Variants in CEP170B observed in about 807,000 individuals in gnomAD.
CEP170B encodes the protein centrosomal protein of 170 kDa protein B.
A neutral mutation model predicts 120.6 loss-of-function variants in CEP170B; 55 were observed. The observed-to-expected ratio is 0.46, with a 90% CI of 0.37 to 0.57. CEP170B has a LOEUF of 0.57. CEP170B is among the 20% of genes least tolerant of loss of function. The pLI, the probability that CEP170B is intolerant of heterozygous loss-of-function variation, is 0.00. For synonymous variants in CEP170B, 1,033 were observed against 954.5 expected (o/e 1.08, Z -1.52); for missense variants, 2,212 against 2,253.3 (o/e 0.98, Z 0.37).
In CEP170B at chr14:104,885,526, C is replaced by T. The variant is rs200020098; in HGVS notation, c.1928C>T (p.Pro643Leu). The T allele has an allele frequency of 7.9e-5, 123 of 1,564,412 alleles. No individual in the cohort carries two copies. Among genetic ancestry groups the T allele is most frequent in the Middle Eastern group, 3.4e-4 (2 of 5,954 alleles). The change falls in exon 10 of 19, where the codon CCC becomes CTC. Residue 643 changes from proline to leucine, a missense_variant. Physicochemically the swap from Pro to Leu is moderately conservative, Grantham distance 98. Around this residue, in one of 2 missense-constraint regions of CEP170B, gnomAD observed 2,166 missense variants for 2,166.7 expected, o/e 1.00. Transcript: ENST00000414716. ...GCCTCCCGGCCACTGGGTGCGGCCC[C>T]CCAGGCGGAGCACCAGGTACAGGCA... ...EFASRPLGAA[P>L]QAEHQGLPVP...
chr14:104,877,627 C>T (rs950898364), intron 3 of CEP170B, among the ~76,000 whole-genome samples: 2 of 152,224 alleles, frequency 1.3e-5, no homozygotes, highest in African/African-American at 4.8e-5. Flanking sequence ...GAGTTCTGTT[C>T]TGGAGGGTTC....
chr14:104,879,390 G>T (rs1896023861), intron 5 of CEP170B, among the ~76,000 whole-genome samples: 1 of 152,120 alleles, frequency 6.6e-6, no homozygotes, highest in Non-Finnish European at 1.5e-5. Context: ...CCTTCAAGGT[G>T]GCAGGATTTG....
chr14:104,872,324 G>A (rs1895568974), intron 2 of CEP170B, among the ~76,000 whole-genome samples: 1 of 74,814 alleles, frequency 1.3e-5, no homozygotes. Context: ...TGTGCCGTGG[G>A]TGTGCGTGGG....
In CEP170B at chr14:104,883,223, G is replaced by C. The variant is rs1316724133; in HGVS notation, c.766G>C (p.Gly256Arg). Residue 256 changes from glycine to arginine, a missense_variant, in exon 8 of 19, where the codon GGG becomes CGG. Coordinates refer to ENST00000414716, the MANE Select transcript of CEP170B (RefSeq NM_001112726.3). Reference sequence around the variant, plus strand: ...GCCCACGAAGGATGCAGAGGCAGGTGGGGGCGGAGCGGCCCCTGTGGTGCA... The same window carrying C: ...GCCCACGAAGGATGCAGAGGCAGGTCGGGGCGGAGCGGCCCCTGTGGTGCA... ...EMPTKDAEAG[G>R]GGAAPVVQSH... is the part of the protein sequence containing the mutation. The C allele has an allele frequency of 6.2e-7, 1 of 1,611,194 alleles. No homozygotes were observed. The highest frequency in any genetic ancestry group is 8.5e-7 in the Non-Finnish European group (1 of 1,179,496).
rs1489743049 is a variant in CEP170B at position 104,886,286 on chromosome 14, G to A, written c.2047G>A (p.Gly683Arg). Residue 683 changes from glycine to arginine, a missense_variant, in exon 12 of 19, where the codon GGA becomes AGA. Coordinates refer to ENST00000414716, the MANE Select transcript of CEP170B (RefSeq NM_001112726.3). ...SDPGLTEDGLGRRGGEPEGSL... is the reference protein window; with the variant it reads ...SDPGLTEDGLRRRGGEPEGSL... ...TTTGTGCTCCACAGAGGATGGCCTG[G>A]GACGTAGAGGCGGGGAGCCGGAGGG... is the stretch of plus-strand genomic sequence containing the variant. The A allele has an allele frequency of 6.5e-7, 1 of 1,540,550 alleles. No individual in the cohort carries two copies. The highest frequency in any genetic ancestry group is 2.3e-5 in the East Asian group (1 of 43,558).
At chr14:104,879,754 G>A (rs373145221) in intron 5 of CEP170B, among the ~76,000 whole-genome samples, 26 of 152,176 alleles carry the variant, frequency 1.7e-4, no homozygotes, top group African/African-American at 2.2e-4. Flanking sequence ...ACGCACAGCC[G>A]GGGCCCCTGT....
chr14:104,889,784 C>T (rs1482785294), intron 13 of CEP170B, 26 bp downstream of exon 13: 3 of 1,585,758 alleles, frequency 1.9e-6, no homozygotes, highest in Non-Finnish European at 1.7e-6. Flanking sequence ...AGAGTAAATC[C>T]ACTGGGTGCC....
At position 104,887,769 on chromosome 14, in the gene CEP170B, C is replaced by T; in HGVS notation, c.3530C>T (p.Ala1177Val). 6.3e-7 allele frequency: 1 copy of T among 1,579,224 alleles called. No individual in the cohort carries two copies. Among genetic ancestry groups the T allele is most frequent in the Non-Finnish European group, 8.6e-7 (1 of 1,164,146 alleles). ...LDILAMPRKR[A>V]GSFTGTSDPE... ...ATCCTGGCCATGCCCCGGAAGCGGG[C>T]CGGCTCCTTCACAGGGACTAGTGAC... Residue 1177 changes from alanine (A) to valine (V), a missense_variant, in exon 12 of 19, where the codon GCC (alanine) becomes GTC (valine). Coordinates refer to ENST00000414716, the MANE Select transcript of CEP170B (RefSeq NM_001112726.3).
At position 104,877,862 on chromosome 14, in the gene CEP170B, C is replaced by G. The variant is rs746666943; in HGVS notation, c.196-23C>G. ...CCCACCCGCGCAGCTCCCCCCCCCC[C>G]CCCGCCACCTGTTTTCCTGCAGACG... is the stretch of plus-strand genomic sequence containing the variant. On this transcript the variant is annotated intron_variant, in intron 3 of 18. Coordinates refer to ENST00000414716, the MANE Select transcript of CEP170B (RefSeq NM_001112726.3). 1.5e-4 allele frequency: 177 copies of G among 1,192,958 alleles called. 4 individuals are homozygous for G. The African/African-American group carries it at 2.1e-3, about 14-fold the overall frequency. 73.9% of individuals were successfully genotyped at this position (1,192,958 alleles called of 1,614,324 possible).
chr14:104,872,212 TGTGTACCATGG>T (rs1895537737), intron 2 of CEP170B, among the ~76,000 whole-genome samples: 1 of 126,328 alleles, frequency 7.9e-6, no homozygotes, highest in Non-Finnish European at 1.6e-5. Context: ...GGTGTGCGTG[TGTGTACCATGG>T]GTGTGCCGTG....
intron 2 of CEP170B, among the ~76,000 whole-genome samples, chr14:104,873,496 G>A (rs113514435): frequency 5.3e-5 from 8 of 152,006 alleles, no homozygotes; most frequent in African/African-American, 1.5e-4. Flanking sequence ...GAGGCTGACC[G>A]AGGGCTGCCG....
At chr14:104,875,356 T>C (rs536276935) in intron 2 of CEP170B, among the ~76,000 whole-genome samples, 1 of 152,268 alleles carries the variant, frequency 6.6e-6, no homozygotes, top group South Asian at 2.1e-4. Context: ...ACACGCTGTC[T>C]GGGCCAGGAC....
At position 104,876,401 on chromosome 14, in the gene CEP170B, C is replaced by T. The variant is rs1207789716; in HGVS notation, c.195+56C>T. ...TAACAGCTCGACCCTTCAGCCCTGGCCCCTCCCTCTCAGTTCTGGCTCCTC... is the reference window on the plus strand; with the variant it reads ...TAACAGCTCGACCCTTCAGCCCTGGTCCCTCCCTCTCAGTTCTGGCTCCTC... On this transcript the variant is annotated intron_variant, in intron 3 of 18. Transcript: ENST00000414716. 1.1e-5 allele frequency: 17 copies of T among 1,499,822 alleles called. No homozygotes were observed. In the African/African-American group the frequency reaches 1.5e-4, roughly 13 times the overall value. 92.9% of individuals were successfully genotyped at this position (1,499,822 alleles called of 1,614,324 possible). A position where few individuals can be genotyped will look rare whatever the true frequency, so the allele number is the denominator to read the frequency against.
chr14:104,877,835 C>CCCCCCCCCCCG, intron 3 of CEP170B, 50 bp from the exon 4 acceptor site: 1 of 473,638 alleles, frequency 2.1e-6, no homozygotes, highest in Non-Finnish European at 3.7e-6. Flanking sequence ...TGCCCACAGC[C>CCCCCCCCCCCG]ACCCACCCGC....
chr14:104,889,303 C>T (rs1051509157), intron 12 of CEP170B, among the ~76,000 whole-genome samples: 6 of 151,756 alleles, frequency 4.0e-5, no homozygotes, highest in Non-Finnish European at 5.9e-5. Context: ...CCGCCTTCCC[C>T]GCATGTGCCC....
intron 8 of CEP170B, 104 bp from the exon 9 acceptor site, chr14:104,883,727 T>G: frequency 8.2e-7 from 1 of 1,223,150 alleles, no homozygotes; most frequent in South Asian, 1.6e-5. Flanking sequence ...AGGGCTGGGG[T>G]GCTTTGTCAA....
rs1450279945 is a variant in CEP170B, at chr14:104,870,940, GC to G, written c.105+2390del. On this transcript the variant is annotated intron_variant, in intron 2 of 18. Transcript: ENST00000414716. This position sits in a 1 kb window ranked among gnomAD's most constrained non-coding sequence, Gnocchi z 4.1. ...AGCGGCCTCCTACCTGCCCACCGCT[GC>G]CCCCTGCCGGCCTCTGTCACCCCTC... Among the ~76,000 whole-genome samples, 2 of 151,952 alleles carry G rather than the reference GC, an allele frequency of 1.3e-5. No homozygotes were observed. Among genetic ancestry groups the G allele is most frequent in the Non-Finnish European group, 2.9e-5 (2 of 67,956 alleles).
At position 104,887,112 on chromosome 14, in the gene CEP170B, C is replaced by G. The variant is rs1383490534; in HGVS notation, c.2873C>G (p.Thr958Arg). ...DALSGDSDVD[T>R]ASTVSLRSGK... is the part of the protein sequence containing the mutation. ...CTGTCTGGGGACTCGGACGTGGACACAGCCAGCACCGTCAGCCTGCGTAGT... is the reference window on the plus strand; with the variant it reads ...CTGTCTGGGGACTCGGACGTGGACAGAGCCAGCACCGTCAGCCTGCGTAGT... The change falls in exon 12 of 19, where the codon ACA (threonine) becomes AGA (arginine). Residue 958 changes from threonine (T) to arginine (R), a missense_variant. Physicochemically the swap from Thr to Arg is moderately conservative, Grantham distance 71 (BLOSUM62 -1). This residue lies in a region of CEP170B where 2,166 missense variants were observed against 2,166.7 expected (regional missense o/e 1.00). Transcript: ENST00000414716. 6.2e-7 allele frequency: 1 copy of G among 1,611,054 alleles called. No individual in the cohort carries two copies. The highest frequency in any genetic ancestry group is 8.5e-7 in the Non-Finnish European group (1 of 1,179,684).
Position 104,887,731 on chromosome 14 carries a change from G to A in CEP170B, c.3492G>A (p.Leu1164=), listed in dbSNP as rs1042858662. 6.3e-7 allele frequency: 1 copy of A among 1,584,932 alleles called. No homozygotes were observed. The highest frequency in any genetic ancestry group is 8.6e-7 in the Non-Finnish European group (1 of 1,167,178). Residue 1164 remains leucine (L), a synonymous_variant, in exon 12 of 19, where the codon CTG becomes CTA. Coordinates refer to ENST00000414716, the MANE Select transcript of CEP170B (RefSeq NM_001112726.3). ...CAGCTGCTGAGCAGGCCAAGAAGCTGTCACGCCTGGACATCCTGGCCATGC... is the reference window on the plus strand; with the variant it reads ...CAGCTGCTGAGCAGGCCAAGAAGCTATCACGCCTGGACATCCTGGCCATGC... ...GRPAAEQAKK[L]SRLDILAMPR... is the part of the protein sequence containing the mutation.
Sources: gnomAD v4.1 joint callset for allele counts (sites outside exome capture counted in the v4.1 genomes callset) on GRCh38, gnomAD v4.1.1 for gene constraint, gnomAD v4.1.1 regional missense constraint, Gnocchi (gnomAD v3.1) non-coding constraint, MANE v1.5 for transcripts, NCBI Gene and HGNC (gene_info 2026-07-23, HGNC 2026-07-21) for gene names.